Variants in DOCK1 observed in about 807,000 individuals in gnomAD.
The protein encoded by DOCK1 is dedicator of cytokinesis protein 1.
DOCK1 carries 138 observed loss-of-function variants against 262.7 expected under a neutral mutation model. That is an observed-to-expected ratio of 0.53 (90% confidence interval 0.46 to 0.61). DOCK1 has a LOEUF of 0.61. Ranked by LOEUF, DOCK1 falls within the 20% of genes least tolerant of loss-of-function variation. The probability of loss-of-function intolerance (pLI) is 0.00; values close to 1 mark genes in which losing one functional copy is unlikely to be tolerated. For synonymous variants in DOCK1, 866 were observed against 867.4 expected (o/e 1.00, Z 0.03); for missense variants, 1,908 against 2,370.7 (o/e 0.80, Z 4.05).
intron 23 of DOCK1, among the ~76,000 whole-genome samples, chr10:127,079,432 A>G (rs1417578249): frequency 6.6e-6 from 1 of 152,220 alleles, no homozygotes; most frequent in Non-Finnish European, 1.5e-5. Context: ...TAGGCAGTGA[A>G]CATCAAGGAA....
At chr10:127,031,534 C>T (rs1168070222) in intron 16 of DOCK1, 116 bp from the exon 17 acceptor site, 3 of 731,742 alleles carry the variant, frequency 4.1e-6, no homozygotes, top group East Asian at 2.7e-5. Context: ...GCTTTAATAC[C>T]TGTTTGTATA....
At chr10:127,120,191 C>T (rs769384906) in intron 25 of DOCK1, among the ~76,000 whole-genome samples, 17 of 152,202 alleles carry the variant, frequency 1.1e-4, no homozygotes, top group Non-Finnish European at 2.2e-4. Context: ...TCAGCACTGA[C>T]AAGCACTGGC....
intron 3 of DOCK1, among the ~76,000 whole-genome samples, chr10:126,980,587 C>G (rs1344758760): frequency 6.6e-6 from 1 of 152,180 alleles, no homozygotes; most frequent in Non-Finnish European, 1.5e-5. Flanking sequence ...AATTTGGCCA[C>G]TTTCCTTGTT....
intron 21 of DOCK1, among the ~76,000 whole-genome samples, chr10:127,048,633 C>T (rs999130292): frequency 4.6e-5 from 7 of 152,150 alleles, no homozygotes; most frequent in Non-Finnish European, 1.0e-4. Flanking sequence ...GCACTAGCCT[C>T]GTGTGGCTAT....
At chr10:127,260,695 A>G (rs1168845281) in intron 29 of DOCK1, among the ~76,000 whole-genome samples, 2 of 88,054 alleles carry the variant, frequency 2.3e-5, no homozygotes, top group Admixed American at 1.2e-4. Context: ...GTGTGTGTGT[A>G]CTCGTGCTCA....
At chr10:127,314,102 C>T (rs946041960) in intron 29 of DOCK1, among the ~76,000 whole-genome samples, 3 of 152,180 alleles carry the variant, frequency 2.0e-5, no homozygotes, top group African/African-American at 7.2e-5. Flanking sequence ...CACTTGTTTT[C>T]ACACTTGAGT....
chr10:127,251,602 A>G (rs1054764311), intron 28 of DOCK1, among the ~76,000 whole-genome samples: 4 of 138,084 alleles, frequency 2.9e-5, no homozygotes, highest in Non-Finnish European at 6.1e-5. Context: ...TCATTGTTCA[A>G]TTCCCACCTA....
chr10:126,906,248 G>A (rs2133975587), intron 1 of DOCK1, among the ~76,000 whole-genome samples: 1 of 152,340 alleles, frequency 6.6e-6, no homozygotes, highest in African/African-American at 2.4e-5. Context: ...GCTTCCGAGG[G>A]GGGATGGAAG....
chr10:127,448,678 G>A lies in DOCK1; in HGVS notation c.5565+1133G>A, dbSNP rs113964244. The stretch of plus-strand genomic sequence containing the variant: ...AAATATCCCTCTTCATATGTGGACA[G>A]CTGGCCGTATTTTTTTTGCTATCCA... On this transcript the variant is annotated intron_variant, in intron 51 of 51. Transcript: ENST00000623213. Among the ~76,000 whole-genome samples, 650 of 152,272 alleles carry A rather than the reference G, an allele frequency of 4.3e-3. 4 individuals carry two copies. Among genetic ancestry groups the A allele is most frequent in the African/African-American group, 0.012 (483 of 41,570 alleles).
intron 46 of DOCK1, among the ~76,000 whole-genome samples, chr10:127,423,684 C>T (rs1031187096): frequency 3.3e-5 from 5 of 152,184 alleles, no homozygotes; most frequent in African/African-American, 1.2e-4. Context: ...ACTCAGCCAT[C>T]ATCCCCAGCT....
At chr10:127,238,989 A>G (rs2059168615) in intron 27 of DOCK1, among the ~76,000 whole-genome samples, 2 of 152,206 alleles carry the variant, frequency 1.3e-5, no homozygotes, top group Admixed American at 6.5e-5. Flanking sequence ...GGTGTGGGGA[A>G]AGTGAGACAA....
chr10:127,421,053 A>T (rs562280886), intron 46 of DOCK1, among the ~76,000 whole-genome samples: 1 of 151,960 alleles, frequency 6.6e-6, no homozygotes, highest in Non-Finnish European at 1.5e-5. Context: ...AGTAGCTGGG[A>T]CTGCAAGTGT....
rs374155943 is a variant in DOCK1 at position 127,439,114 on chromosome 10, G to A, written c.5148G>A (p.Lys1716=). ...LDKDDLEKEK[K]DKKKEKRNSK... ...AGGATGACCTGGAGAAGGAGAAGAA[G>A]GACAAGAAGAAGGAAAAAAGGAACA... Residue 1716 remains lysine, a synonymous_variant, in exon 49 of 52, where the codon AAG becomes AAA. Coordinates refer to ENST00000623213, the MANE Select transcript of DOCK1 (RefSeq NM_001290223.2). 1.7e-5 allele frequency: 27 copies of A among 1,585,408 alleles called. No homozygotes were observed. The African/African-American group carries it at 3.4e-4, about 20-fold the overall frequency.
rs762217323 is a variant in DOCK1 at position 126,970,722 on chromosome 10, A to G, written c.67A>G (p.Arg23Gly). 1 of 1,613,136 alleles carries G rather than the reference A, an allele frequency of 6.2e-7. No individual in the cohort carries two copies. The highest frequency in any genetic ancestry group is 1.7e-5 in the Admixed American group (1 of 60,012). ...YGVAFYNYDA[R>G]GADELSLQIG... Reference sequence around the variant, plus strand: ...CACAGCTTTTTATAACTATGATGCCAGAGGAGCGGATGAACTTTCTTTACA... The same window carrying G: ...CACAGCTTTTTATAACTATGATGCCGGAGGAGCGGATGAACTTTCTTTACA... Residue 23 changes from arginine to glycine, a missense_variant, in exon 2 of 52, where the codon AGA becomes GGA. Around this residue, in one of 9 missense-constraint regions of DOCK1, gnomAD observed 227 missense variants for 254.1 expected, o/e 0.89. Coordinates refer to ENST00000623213, the MANE Select transcript of DOCK1 (RefSeq NM_001290223.2).
intron 29 of DOCK1, among the ~76,000 whole-genome samples, chr10:127,277,237 T>C (rs1054607539): frequency 6.6e-6 from 1 of 152,168 alleles, no homozygotes; most frequent in African/African-American, 2.4e-5. Flanking sequence ...ATTATAAACA[T>C]TATTGGTAGC....
At position 126,975,782 on chromosome 10, in the gene DOCK1, C is replaced by CA. The variant is rs1307145814; in HGVS notation, c.131-2164dup. On this transcript the variant is annotated intron_variant, in intron 2 of 51. Coordinates refer to ENST00000623213, the MANE Select transcript of DOCK1 (RefSeq NM_001290223.2). ...ACAGGTGCACGCCACCACGCCCAGC[C>CA]AATTTTTTTTTTTTTAGTAGAGACG... is the stretch of plus-strand genomic sequence containing the variant. 2.3e-5 allele frequency among the ~76,000 whole-genome samples: 3 copies of CA among 128,024 alleles called. No homozygotes were observed. The East Asian group carries it at 9.3e-4, about 40-fold the overall frequency. 84.0% of individuals were successfully genotyped at this position (128,024 alleles called of 152,430 possible). A position where few individuals can be genotyped will look rare whatever the true frequency, so the allele number is the denominator to read the frequency against.
chr10:127,115,358 T>C (rs2132938548), intron 25 of DOCK1, among the ~76,000 whole-genome samples: 1 of 152,306 alleles, frequency 6.6e-6, no homozygotes, highest in Middle Eastern at 3.4e-3. Context: ...TTAAGCTTTG[T>C]CTCGCCATGT....
intron 29 of DOCK1, among the ~76,000 whole-genome samples, chr10:127,320,080 T>A (rs187197483): frequency 5.1e-4 from 78 of 152,280 alleles, no homozygotes; most frequent in African/African-American, 1.8e-3. Context: ...TGTGCACTCA[T>A]CGGTGCCCAC....
chr10:127,330,352 G>A (rs1267807859), intron 29 of DOCK1, among the ~76,000 whole-genome samples: 1 of 151,656 alleles, frequency 6.6e-6, no homozygotes, highest in Non-Finnish European at 1.5e-5. Flanking sequence ...GAGTTTTGCT[G>A]TGTTCTAATA....
Sources: gnomAD v4.1 joint callset for allele counts (sites outside exome capture counted in the v4.1 genomes callset) on GRCh38, gnomAD v4.1.1 for gene constraint, gnomAD v4.1.1 regional missense constraint, MANE v1.5 for transcripts, NCBI Gene and HGNC (gene_info 2026-07-23, HGNC 2026-07-21) for gene names.